The following SYTL5 variants were observed in gnomAD, a reference collection of about 807,000 sequenced individuals.
SYTL5 encodes the protein synaptotagmin-like protein 5.
In SYTL5, 34 loss-of-function variants were observed where a neutral mutation model predicts 55.9. That is an observed-to-expected ratio of 0.61 (90% CI 0.46 to 0.81). SYTL5 has a LOEUF of 0.81. Among genes scored for constraint, SYTL5 ranks in the 30% least tolerant of loss-of-function variants. SYTL5 has a pLI of 0.00. For synonymous variants in SYTL5, 221 were observed against 188.7 expected (o/e 1.17, Z -1.40); for missense variants, 637 against 546.7 (o/e 1.17, Z -1.65).
chrX:38,000,860 G>C, the SYTL5 span, among the ~76,000 whole-genome samples: 1 of 111,567 alleles, frequency 9.0e-6, no homozygotes, highest in African/African-American at 3.3e-5. Flanking sequence ...TTCTCCGACC[G>C]CCCCAACCGA....
Position 38,122,128 on chromosome X carries a change from C to A in SYTL5, c.1754C>A (p.Ser585Tyr). Reference sequence around the variant, plus strand: ...AAGAAGAAGGAGTCACCTGTAATCTCTGGAGGAATACTAGAAGTGTTCATC... The same window carrying A: ...AAGAAGAAGGAGTCACCTGTAATCTATGGAGGAATACTAGAAGTGTTCATC... ...KGKKKESPVI[S>Y]GGILEVFIKE... Residue 585 changes from serine (S) to tyrosine (Y), a missense_variant, in exon 15 of 17, where the codon TCT (serine) becomes TAT (tyrosine). Coordinates refer to ENST00000297875, the MANE Select transcript of SYTL5 (RefSeq NM_138780.3). 1 of 1,203,138 alleles carries A rather than the reference C, an allele frequency of 8.3e-7. No individual in the cohort carries two copies. Among genetic ancestry groups the A allele is most frequent in the Non-Finnish European group, 1.1e-6 (1 of 889,784 alleles).
chrX:38,045,914 AGCTGGGCGG>A (rs1041242229), intron 2 of SYTL5, among the ~76,000 whole-genome samples: 1 of 112,285 alleles, frequency 8.9e-6, no homozygotes, highest in African/African-American at 3.2e-5. Flanking sequence ...TGTTGAAAGA[AGCTGGGCGG>A]GCGGAAGAAA....
intron 1 of SYTL5, among the ~76,000 whole-genome samples, chrX:38,015,722 T>C (rs989798717): frequency 9.1e-6 from 1 of 110,438 alleles, no homozygotes; most frequent in African/African-American, 3.3e-5. Flanking sequence ...TTTTTTTTAG[T>C]CTATTCACAG....
Position 38,067,382 on chromosome X carries a change from C to CAA in SYTL5, c.330-4652_330-4651dup, listed in dbSNP as rs55653564. The stretch of plus-strand genomic sequence containing the variant: ...TCCATCTCACATCCAAAGAACATAT[C>CAA]AAAAAAAAAAAAAAGATCTAAGGCC... On this transcript the variant is annotated intron_variant, in intron 3 of 16. Transcript: ENST00000297875. Among the ~76,000 whole-genome samples, 860 of 88,407 alleles carry CAA rather than the reference C, an allele frequency of 9.7e-3. 7 individuals are homozygous for CAA. Among genetic ancestry groups the CAA allele is most frequent in the Middle Eastern group, 0.033 (6 of 183 alleles). 76.8% of individuals were successfully genotyped at this position (88,407 alleles called of 115,157 possible).
At chrX:37,921,636 T>C in the SYTL5 span, among the ~76,000 whole-genome samples, 12 of 111,830 alleles carry the variant, frequency 1.1e-4, no homozygotes, top group African/African-American at 3.9e-4. Flanking sequence ...CCAGTTATAA[T>C]ATGGGTATGT....
At chrX:37,917,743 T>C in the SYTL5 span, among the ~76,000 whole-genome samples, 1 of 111,806 alleles carries the variant, frequency 8.9e-6, no homozygotes, top group Non-Finnish European at 1.9e-5. Context: ...ACGTTTTCAA[T>C]GCATTTATTA....
At chrX:38,064,350 T>A (rs1199946868) in intron 3 of SYTL5, among the ~76,000 whole-genome samples, 1 of 111,592 alleles carries the variant, frequency 9.0e-6, no homozygotes, top group Non-Finnish European at 1.9e-5. Context: ...ACACTTGGCT[T>A]CATGAACATT....
At chrX:37,940,604 G>GTATATATATA in the SYTL5 span, among the ~76,000 whole-genome samples, 76 of 94,850 alleles carry the variant, frequency 8.0e-4, no homozygotes, top group African/African-American at 2.5e-3. Flanking sequence ...AGGTGTGTAT[G>GTATATATATA]TATATATATA....
chrX:37,954,265 T>C, the SYTL5 span, among the ~76,000 whole-genome samples: 5 of 111,669 alleles, frequency 4.5e-5, no homozygotes, highest in East Asian at 1.4e-3. Flanking sequence ...CTTCAGGAAC[T>C]GACTGAAGGT....
chrX:37,944,120 A>G, the SYTL5 span, among the ~76,000 whole-genome samples: 9 of 111,289 alleles, frequency 8.1e-5, no homozygotes, highest in Non-Finnish European at 1.5e-4. Flanking sequence ...ATGGCCTGAC[A>G]TAGCTGAGGA....
the SYTL5 span, among the ~76,000 whole-genome samples, chrX:37,975,638 A>G: frequency 9.0e-6 from 1 of 111,652 alleles, no homozygotes; most frequent in Non-Finnish European, 1.9e-5. Flanking sequence ...TGGGTGGAGT[A>G]TAGAAGCTGT....
intron 13 of SYTL5, among the ~76,000 whole-genome samples, chrX:38,118,576 A>C (rs898348113): frequency 1.5e-4 from 17 of 111,816 alleles, no homozygotes; most frequent in African/African-American, 5.5e-4. Flanking sequence ...GGAGACCTAT[A>C]GAATAGAGGT....
At chrX:38,102,182 T>C (rs1937102748) in intron 9 of SYTL5, among the ~76,000 whole-genome samples, 160 bp from the exon 10 acceptor site, 2 of 110,892 alleles carry the variant, frequency 1.8e-5, no homozygotes, top group African/African-American at 6.6e-5. Context: ...ATAATTCAGA[T>C]TGACCGGAGA....
At chrX:37,967,967 G>A in the SYTL5 span, among the ~76,000 whole-genome samples, 1 of 107,761 alleles carries the variant, frequency 9.3e-6, no homozygotes, top group African/African-American at 3.4e-5. Flanking sequence ...TTTCAGTTCA[G>A]TTATTTATTG....
At chrX:38,049,204 G>A (rs1384039605) in intron 2 of SYTL5, among the ~76,000 whole-genome samples, 1 of 112,170 alleles carries the variant, frequency 8.9e-6, no homozygotes, top group Non-Finnish European at 1.9e-5. Flanking sequence ...TAGTTCTAGA[G>A]AAGTACTTAG....
At chrX:38,036,686 TG>T in intron 2 of SYTL5, among the ~76,000 whole-genome samples, 1 of 111,995 alleles carries the variant, frequency 8.9e-6, no homozygotes, top group African/African-American at 3.2e-5. Flanking sequence ...CATTCCAAAG[TG>T]GGTGGCATGA....
At chrX:37,975,985 C>A in the SYTL5 span, among the ~76,000 whole-genome samples, 1 of 111,524 alleles carries the variant, frequency 9.0e-6, no homozygotes, top group Non-Finnish European at 1.9e-5. Flanking sequence ...GTGGCCTCTG[C>A]CCTCCAAAGC....
upstream of SYTL5, among the ~76,000 whole-genome samples, chrX:38,004,172 A>G (rs1370406821): frequency 2.7e-5 from 3 of 111,347 alleles, no homozygotes; most frequent in South Asian, 3.7e-4. Context: ...TTTCCTTGCC[A>G]TGCAGGAGCT....
chrX:38,086,293 C>G (rs1569181701), intron 6 of SYTL5, among the ~76,000 whole-genome samples: 2 of 111,703 alleles, frequency 1.8e-5, no homozygotes, highest in African/African-American at 6.5e-5. Flanking sequence ...TCAGATGCAT[C>G]TGCCACACAG....
Sources: gnomAD v4.1 joint callset for allele counts (sites outside exome capture counted in the v4.1 genomes callset) on GRCh38, gnomAD v4.1.1 for gene constraint, MANE v1.5 for transcripts, NCBI Gene and HGNC (gene_info 2026-07-23, HGNC 2026-07-21) for gene names.